Variants in SRGAP2B observed in about 807,000 individuals in gnomAD.
SRGAP2B encodes the protein SLIT-ROBO Rho GTPase-activating protein 2B.
A neutral mutation model predicts 22.2 loss-of-function variants in SRGAP2B; 9 were observed. The ratio of observed to expected loss-of-function variants is 0.41; its 90% CI spans 0.24 to 0.71. SRGAP2B has a LOEUF of 0.71. SRGAP2B is among the 30% of genes least tolerant of loss of function. The pLI is 0.35. For synonymous variants in SRGAP2B, 36 were observed against 87.4 expected, an observed-to-expected ratio of 0.41 and a Z score of 3.28; for missense variants, 114 against 235.8, an observed-to-expected ratio of 0.48 and a Z score of 3.38.
intron 4 of SRGAP2B, among the ~76,000 whole-genome samples, chr1:144,917,494 C>G (rs1252414101): frequency 7.7e-6 from 1 of 129,946 alleles, no homozygotes; most frequent in Non-Finnish European, 1.6e-5. Flanking sequence ...TCCTATTCCT[C>G]TACCCTGTTG....
At chr1:144,974,120 A>T (rs1333074747) in intron 3 of SRGAP2B, among the ~76,000 whole-genome samples, 1 of 150,472 alleles carries the variant, frequency 6.6e-6, no homozygotes, top group Non-Finnish European at 1.5e-5. Flanking sequence ...ACACAGTCCC[A>T]TCCTGATGGT....
chr1:144,921,246 G>A (rs1490188998), intron 4 of SRGAP2B, among the ~76,000 whole-genome samples: 2 of 77,080 alleles, frequency 2.6e-5, no homozygotes, highest in Non-Finnish European at 4.3e-5. Context: ...TCCACAGCAA[G>A]CTAGATATTG....
intron 4 of SRGAP2B, among the ~76,000 whole-genome samples, chr1:144,939,564 C>T (rs1665874767): frequency 7.0e-6 from 1 of 143,400 alleles, no homozygotes; most frequent in Non-Finnish European, 1.5e-5. Flanking sequence ...TAAGCTTGCT[C>T]TGCAGGCCTT....
intron 3 of SRGAP2B, among the ~76,000 whole-genome samples, chr1:144,983,357 G>A (rs1471088916): frequency 3.7e-5 from 3 of 81,766 alleles, no homozygotes; most frequent in Non-Finnish European, 6.8e-5. Context: ...CAGAGATGGC[G>A]CACATTCAAA....
chr1:144,985,859 TG>T (rs1365952751), intron 3 of SRGAP2B, among the ~76,000 whole-genome samples: 2 of 148,270 alleles, frequency 1.3e-5, no homozygotes, highest in Non-Finnish European at 3.0e-5. Context: ...TCTCATTCTC[TG>T]GGGGAAGGAG....
At chr1:144,931,714 G>A (rs1339615323) in intron 4 of SRGAP2B, among the ~76,000 whole-genome samples, 11 of 148,570 alleles carry the variant, frequency 7.4e-5, no homozygotes, top group African/African-American at 1.3e-4. Context: ...GTCTCACCAC[G>A]CACCCTGGCC....
chr1:144,933,152 T>C (rs1234630506), intron 4 of SRGAP2B, among the ~76,000 whole-genome samples: 1 of 150,248 alleles, frequency 6.7e-6, no homozygotes, highest in Non-Finnish European at 1.5e-5. Context: ...GTCAAATGCA[T>C]TTGAGGAGGG....
At chr1:145,019,164 G>A (rs1488127965) in intron 2 of SRGAP2B, among the ~76,000 whole-genome samples, 3 of 21,874 alleles carry the variant, frequency 1.4e-4, no homozygotes, top group African/African-American at 3.7e-4. Context: ...GCAAAATAAG[G>A]AGACCTTGTC....
chr1:144,982,821 C>G (rs1669404249), intron 3 of SRGAP2B, among the ~76,000 whole-genome samples: 1 of 150,824 alleles, frequency 6.6e-6, no homozygotes, highest in Non-Finnish European at 1.5e-5. Context: ...TCCCAAATGG[C>G]CTTCTTGCGT....
At chr1:145,009,345 T>C (rs1476658320) in intron 2 of SRGAP2B, among the ~76,000 whole-genome samples, 3 of 150,040 alleles carry the variant, frequency 2.0e-5, no homozygotes, top group African/African-American at 7.5e-5. Context: ...TCCCAGCACT[T>C]TGGGAGGCCG....
At chr1:144,963,141 A>T (rs1667802112) in intron 3 of SRGAP2B, among the ~76,000 whole-genome samples, 1 of 150,888 alleles carries the variant, frequency 6.6e-6, no homozygotes, top group African/African-American at 2.5e-5. Flanking sequence ...CCCATGTGTT[A>T]GCACTAGCAT....
chr1:144,944,636 G>A (rs1364622864), intron 4 of SRGAP2B, among the ~76,000 whole-genome samples: 8 of 147,328 alleles, frequency 5.4e-5, no homozygotes, highest in Non-Finnish European at 1.0e-4. Flanking sequence ...AAAATTCATT[G>A]GATGGCATTT....
At chr1:144,933,253 G>C (rs1558759989) in intron 4 of SRGAP2B, among the ~76,000 whole-genome samples, 1 of 147,814 alleles carries the variant, frequency 6.8e-6, no homozygotes, top group Non-Finnish European at 1.5e-5. Context: ...AGATCCAACT[G>C]TCATGACCTC....
intron 3 of SRGAP2B, among the ~76,000 whole-genome samples, chr1:144,986,920 G>A (rs1189155477): frequency 3.3e-5 from 5 of 150,936 alleles, no homozygotes; most frequent in Middle Eastern, 3.2e-3. Flanking sequence ...TCTCACTTCT[G>A]TTAGCCTTTT....
At chr1:144,939,347 A>C (rs1665858044) in intron 4 of SRGAP2B, among the ~76,000 whole-genome samples, 1 of 150,656 alleles carries the variant, frequency 6.6e-6, no homozygotes, top group Non-Finnish European at 1.5e-5. Context: ...GGAAGCAGGT[A>C]ATTAAAATAA....
chr1:144,963,072 C>T (rs1553611528), intron 3 of SRGAP2B, among the ~76,000 whole-genome samples: 1 of 151,172 alleles, frequency 6.6e-6, no homozygotes, highest in Non-Finnish European at 1.5e-5. Context: ...AGAAAATCTG[C>T]CTGCCCACCA....
At chr1:144,923,442 G>T (rs1553604536) in intron 4 of SRGAP2B, among the ~76,000 whole-genome samples, 1 of 150,236 alleles carries the variant, frequency 6.7e-6, no homozygotes, top group South Asian at 2.1e-4. Context: ...TAAAAGCACA[G>T]AGTAGAAATG....
intron 7 of SRGAP2B, among the ~76,000 whole-genome samples, chr1:144,902,818 G>C (rs1269572117): frequency 9.0e-6 from 1 of 111,138 alleles, no homozygotes; most frequent in Non-Finnish European, 1.8e-5. Flanking sequence ...GTAGCCTTTT[G>C]ATCCCAGTGA....
chr1:145,067,302 A>G (rs1651613182), intron 2 of SRGAP2B, among the ~76,000 whole-genome samples: 1 of 149,586 alleles, frequency 6.7e-6, no homozygotes, highest in Non-Finnish European at 1.5e-5. Flanking sequence ...AAAAAAAAAA[A>G]AAAATTAGAA....
Sources: gnomAD v4.1 joint callset for allele counts (sites outside exome capture counted in the v4.1 genomes callset) on GRCh38, gnomAD v4.1.1 for gene constraint, MANE v1.5 for transcripts, NCBI Gene and HGNC (gene_info 2026-07-23, HGNC 2026-07-21) for gene names.